The following PHC1 variants were observed in gnomAD, a reference collection of about 807,000 sequenced individuals.
PHC1 encodes polyhomeotic-like protein 1.
In PHC1, 12 loss-of-function variants were observed where a neutral mutation model predicts 104.3. That is an observed-to-expected ratio of 0.12 (90% confidence interval 0.07 to 0.19). The LOEUF is 0.19. PHC1 is among the 10% of genes least tolerant of loss of function. PHC1 has a pLI of 1.00. For synonymous variants in PHC1, 302 were observed against 455.8 expected (o/e 0.66, Z 4.30); for missense variants, 671 against 1,200.0 (o/e 0.56, Z 6.51).
At chr12:8,925,923 C>T (rs1444600916) in intron 6 of PHC1, among the ~76,000 whole-genome samples, 1 of 152,120 alleles carries the variant, frequency 6.6e-6, no homozygotes, top group Non-Finnish European at 1.5e-5. Context: ...GTTTAAGGGA[C>T]AGACGATGTT....
chr12:8,916,519 G>A (rs949829523), intron 1 of PHC1, among the ~76,000 whole-genome samples: 2 of 151,960 alleles, frequency 1.3e-5, no homozygotes, highest in Non-Finnish European at 2.9e-5. Context: ...CAAAAAAAAA[G>A]AATGAGTAAA....
Position 8,930,880 on chromosome 12 carries a change from T to C in PHC1, c.1058T>C (p.Leu353Pro). The change falls in exon 7 of 15, where the codon CTG becomes CCG. Residue 353 changes from leucine (L) to proline (P), a missense_variant. This residue lies in a region of PHC1 where 78 missense variants were observed against 140.8 expected (regional missense o/e 0.55). Coordinates refer to ENST00000544916, the MANE Select transcript of PHC1 (RefSeq NM_004426.3). ...GSGQQNVGMNLTRTATPAPSQ... is the reference protein window; with the variant it reads ...GSGQQNVGMNPTRTATPAPSQ... ...GGCCAGCAGAATGTGGGCATGAACC[T>C]GACACGGACAGCCACACCTGCGCCC... 6.3e-7 allele frequency: 1 copy of C among 1,577,400 alleles called. No individual in the cohort carries two copies. Among genetic ancestry groups the C allele is most frequent in the Non-Finnish European group, 8.6e-7 (1 of 1,163,172 alleles).
At chr12:8,930,005 A>G (rs1048155743) in intron 6 of PHC1, among the ~76,000 whole-genome samples, 4 of 152,172 alleles carry the variant, frequency 2.6e-5, no homozygotes, top group South Asian at 2.1e-4. Context: ...GTGCATATCT[A>G]TACATCTTAT....
rs760350353 is a variant in PHC1, at chr12:8,930,674, T to A, written c.852T>A (p.Gly284=). ...SIPGSMGPGG[G]GQAHGGLGQL... is the part of the protein sequence containing the mutation. The stretch of plus-strand genomic sequence containing the variant: ...CAGGGTCCATGGGTCCAGGTGGAGG[T>A]GGGCAGGCACATGGTGGTTTGGGTC... The change falls in exon 7 of 15, where the codon GGT becomes GGA. Residue 284 remains glycine (G), a synonymous_variant. Transcript: ENST00000544916. 18 of 1,373,602 alleles carry A rather than the reference T, an allele frequency of 1.3e-5. No individual in the cohort carries two copies. Among genetic ancestry groups the A allele is most frequent in the Non-Finnish European group, 4.0e-6 (4 of 1,002,924 alleles). The allele number at this position is 1,373,602 out of a possible 1,614,324, so 85.1% of individuals were successfully genotyped here.
chr12:8,936,887 C>T lies in PHC1; in HGVS notation c.2400C>T (p.Cys800=), dbSNP rs1444450970. The stretch of plus-strand genomic sequence containing the variant: ...ATAAGAAGGCGAATCTCCTGAAGTG[C>T]GAGTACTGTGGGAAGTACGCCCCCG... ...ELDKKANLLK[C]EYCGKYAPAE... Residue 800 remains cysteine, a synonymous_variant, in exon 12 of 15, where the codon TGC becomes TGT. Coordinates refer to ENST00000544916, the MANE Select transcript of PHC1 (RefSeq NM_004426.3). 1.2e-6 allele frequency: 2 copies of T among 1,611,636 alleles called. No homozygotes were observed. The highest frequency in any genetic ancestry group is 1.7e-5 in the Admixed American group (1 of 59,962).
chr12:8,921,830 T>G, intron 5 of PHC1, 80 bp downstream of exon 5: 1 of 1,372,292 alleles, frequency 7.3e-7, no homozygotes, highest in African/African-American at 1.5e-5. Context: ...AAGCTTTTTT[T>G]TGAGACAGAA....
chr12:8,915,295 C>T (rs751845747), intron 1 of PHC1: 1 of 152,432 alleles, frequency 6.6e-6, no homozygotes, highest in South Asian at 2.1e-4. Context: ...TTTGAAACAT[C>T]ATTTTCATCA....
chr12:8,924,322 C>CA (rs2137080336), intron 6 of PHC1, among the ~76,000 whole-genome samples: 1 of 151,970 alleles, frequency 6.6e-6, no homozygotes, highest in Non-Finnish European at 1.5e-5. Context: ...ACTAAAAATA[C>CA]AAAAATTAGC....
intron 2 of PHC1, among the ~76,000 whole-genome samples, chr12:8,918,729 A>G (rs925026461): frequency 6.6e-6 from 1 of 152,238 alleles, no homozygotes; most frequent in African/African-American, 2.4e-5. Flanking sequence ...AATTGGAGAA[A>G]CAAGTTTGTA....
chr12:8,926,363 T>C (rs1176860215), intron 6 of PHC1, among the ~76,000 whole-genome samples: 1 of 152,206 alleles, frequency 6.6e-6, no homozygotes, highest in Non-Finnish European at 1.5e-5. Context: ...ATGCCTATAA[T>C]CCCAGCACTT....
intron 7 of PHC1, among the ~76,000 whole-genome samples, chr12:8,931,760 A>G (rs1227646224): frequency 6.6e-6 from 1 of 152,124 alleles, no homozygotes; most frequent in Non-Finnish European, 1.5e-5. Context: ...TTATTTGGTC[A>G]TGTTGATTTT....
intron 6 of PHC1, among the ~76,000 whole-genome samples, chr12:8,929,317 G>T (rs1162633500): frequency 6.6e-6 from 1 of 152,056 alleles, no homozygotes; most frequent in African/African-American, 2.4e-5. Flanking sequence ...TAAACTTGCT[G>T]TTCCCAAACT....
Position 8,922,698 on chromosome 12 carries a change from A to T in PHC1, c.522A>T (p.Gln174His). The change falls in exon 6 of 15, where the codon CAA (glutamine) becomes CAT (histidine). Residue 174 changes from glutamine to histidine, a missense_variant. Coordinates refer to ENST00000544916, the MANE Select transcript of PHC1 (RefSeq NM_004426.3). ...TLGRNVPLAS[Q>H]LILMPNGAVA... ...GTCGGAATGTGCCTCTAGCCTCCCA[A>T]CTCATCCTGATGCCTAATGGGGCGG... The T allele has an allele frequency of 6.2e-7, 1 of 1,608,662 alleles. No homozygotes were observed. Among genetic ancestry groups the T allele is most frequent in the Non-Finnish European group, 8.5e-7 (1 of 1,177,746 alleles).
rs1252210968 is a variant in PHC1 at position 8,921,618 on chromosome 12, A to T, written c.324A>T (p.Thr108=). The part of the protein sequence containing the change: ...TTQASINLAT[T]SAAQLISRSQ... Reference sequence around the variant, plus strand: ...CCACACAGATCAATCTGGCCACCACATCGGCCGCCCAGCTCATCAGCCGAT... The same window carrying T: ...CCACACAGATCAATCTGGCCACCACTTCGGCCGCCCAGCTCATCAGCCGAT... Residue 108 remains threonine, a synonymous_variant, in exon 5 of 15, where the codon ACA becomes ACT. Transcript: ENST00000544916. The T allele has an allele frequency of 5.0e-6, 8 of 1,613,612 alleles. No homozygotes were observed. The South Asian group carries it at 8.8e-5, about 18-fold the overall frequency.
At chr12:8,931,488 G>A (rs1030323566) in intron 7 of PHC1, among the ~76,000 whole-genome samples, 3 of 152,166 alleles carry the variant, frequency 2.0e-5, no homozygotes, top group African/African-American at 4.8e-5. Flanking sequence ...ATCACTTGAG[G>A]TCAGAGTTTG....
chr12:8,924,456 A>T (rs1295276285), intron 6 of PHC1, among the ~76,000 whole-genome samples: 1 of 152,240 alleles, frequency 6.6e-6, no homozygotes, highest in Non-Finnish European at 1.5e-5. Context: ...AGCCTGGGCG[A>T]CAGAGTGAGA....
intron 7 of PHC1, among the ~76,000 whole-genome samples, chr12:8,931,607 G>A (rs1045686059): frequency 1.3e-5 from 2 of 152,208 alleles, no homozygotes; most frequent in Non-Finnish European, 2.9e-5. Flanking sequence ...GGCTGAAGCA[G>A]GAGAGTAGCT....
chr12:8,922,473 A>G (rs1268382501), intron 5 of PHC1, among the ~76,000 whole-genome samples, 160 bp from the exon 6 acceptor site: 1 of 152,194 alleles, frequency 6.6e-6, no homozygotes, highest in African/African-American at 2.4e-5. Flanking sequence ...ATGGTTCATT[A>G]CATGTGGAGA....
At chr12:8,923,859 G>C (rs1323126824) in intron 6 of PHC1, among the ~76,000 whole-genome samples, 1 of 150,844 alleles carries the variant, frequency 6.6e-6, no homozygotes, top group East Asian at 1.9e-4. Context: ...AAATATTTGG[G>C]CAAAAAAACA....
Sources: gnomAD v4.1 joint callset for allele counts (sites outside exome capture counted in the v4.1 genomes callset) on GRCh38, gnomAD v4.1.1 for gene constraint, gnomAD v4.1.1 regional missense constraint, MANE v1.5 for transcripts, NCBI Gene and HGNC (gene_info 2026-07-23, HGNC 2026-07-21) for gene names.